Variants in LARGE1 observed in about 807,000 individuals in gnomAD.
LARGE1 encodes the protein LARGE xylosyl- and glucuronyltransferase 1, also known as xylosyl- and glucuronyltransferase LARGE1.
Under a neutral mutation model 87.6 loss-of-function variants are expected in LARGE1, and 43 were observed. The observed-to-expected ratio is 0.49, with a 90% CI of 0.38 to 0.63. The LOEUF (loss-of-function observed/expected upper bound fraction) is 0.63. Ranked by LOEUF, LARGE1 falls within the 30% of genes least tolerant of loss-of-function variation. LARGE1 has a pLI of 0.00. For missense variants in LARGE1, 802 were observed against 1,000.2 expected (o/e 0.80, Z 2.67); for synonymous variants, 434 against 394.6 (o/e 1.10, Z -1.18).
intron 1 of LARGE1, among the ~76,000 whole-genome samples, chr22:33,794,618 A>T (rs1324922101): frequency 2.0e-5 from 3 of 152,110 alleles, no homozygotes; most frequent in African/African-American, 4.8e-5. Context: ...CAAAGTGGGA[A>T]AATTTCTTTC....
At chr22:33,698,170 T>G (rs2082307186) in intron 2 of LARGE1, among the ~76,000 whole-genome samples, 1 of 152,094 alleles carries the variant, frequency 6.6e-6, no homozygotes, top group Non-Finnish European at 1.5e-5. Context: ...TCTCCAAGGT[T>G]CAAGTGATTC....
intron 3 of LARGE1, among the ~76,000 whole-genome samples, chr22:33,637,734 A>G (rs918637865): frequency 1.3e-5 from 2 of 152,200 alleles, no homozygotes; most frequent in African/African-American, 4.8e-5. Context: ...AGCCCCAATC[A>G]AACCTTCAGA....
At chr22:33,136,997 T>C in the LARGE1 span, 4 of 152,010 alleles carry the variant, frequency 2.6e-5, no homozygotes, top group African/African-American at 9.7e-5. Context: ...TCCATAGCCA[T>C]GAAATGAATG....
chr22:33,653,810 A>G (rs186654526), intron 2 of LARGE1, among the ~76,000 whole-genome samples: 4,158 of 152,196 alleles, frequency 0.027, 178 homozygotes, highest in African/African-American at 0.087. Flanking sequence ...TGGGGGAACA[A>G]GCAGTCAACA....
intron 6 of LARGE1, among the ~76,000 whole-genome samples, chr22:33,461,890 TTGAA>T (rs1376647076): frequency 1.3e-5 from 2 of 152,046 alleles, no homozygotes; most frequent in Non-Finnish European, 2.9e-5. Context: ...TGACAGCTAC[TTGAA>T]TGAGTCACCT....
chr22:33,368,236 G>GA (rs374870274), intron 9 of LARGE1, among the ~76,000 whole-genome samples: 1 of 151,644 alleles, frequency 6.6e-6, no homozygotes, highest in South Asian at 2.1e-4. Context: ...TTCAACATTT[G>GA]AAAAAAAATA....
chr22:33,193,907 TA>T, intron 11 of LARGE1, among the ~76,000 whole-genome samples: 1 of 146,922 alleles, frequency 6.8e-6, no homozygotes, highest in Non-Finnish European at 1.5e-5. Context: ...ATGTTTTATA[TA>T]TTATATATGT....
At chr22:33,349,549 C>T (rs1039623971) in intron 9 of LARGE1, among the ~76,000 whole-genome samples, 6 of 152,180 alleles carry the variant, frequency 3.9e-5, no homozygotes, top group African/African-American at 1.2e-4. Flanking sequence ...ACTTTGCATG[C>T]AAAAGGAGGC....
chr22:33,287,633 G>A (rs971467487), intron 12 of LARGE1, among the ~76,000 whole-genome samples: 2 of 152,170 alleles, frequency 1.3e-5, no homozygotes, highest in African/African-American at 4.8e-5. Context: ...ATCTTACCCT[G>A]GATGGGGCTT....
rs374238113 is a variant in LARGE1 at position 33,729,352 on chromosome 22, GTC to G, written c.106+32017_106+32018del. 2.1e-3 allele frequency among the ~76,000 whole-genome samples: 321 copies of G among 152,304 alleles called. 1 individual carries two copies. The highest frequency in any genetic ancestry group is 7.2e-3 in the African/African-American group (299 of 41,570). On this transcript the variant is annotated intron_variant, in intron 2 of 14. Transcript: ENST00000397394. ...GAGAAAAAGACATGAGTTGAATTAGGTCTCTCTCCTTTGACAGAAGGGACATT... is the reference window on the plus strand; with the variant it reads ...GAGAAAAAGACATGAGTTGAATTAGGTCTCTCCTTTGACAGAAGGGACATT...
intron 1 of LARGE1, among the ~76,000 whole-genome samples, chr22:33,784,363 C>T (rs1412045018): frequency 6.6e-6 from 1 of 152,078 alleles, no homozygotes; most frequent in African/African-American, 2.4e-5. Context: ...GCAATTTGCT[C>T]GAAGTCACAA....
At chr22:33,694,872 G>A (rs2082198131) in intron 2 of LARGE1, among the ~76,000 whole-genome samples, 1 of 152,196 alleles carries the variant, frequency 6.6e-6, no homozygotes, top group South Asian at 2.1e-4. Context: ...CATGAGCAAG[G>A]ATGAGATTAG....
intron 6 of LARGE1, among the ~76,000 whole-genome samples, chr22:33,556,441 A>G (rs543284820): frequency 1.1e-3 from 172 of 151,612 alleles, no homozygotes; most frequent in Middle Eastern, 3.4e-3. Flanking sequence ...GGGCAGGCCA[A>G]GAGCCTCAGA....
chr22:33,359,221 T>C (rs190738951), intron 9 of LARGE1, among the ~76,000 whole-genome samples: 60 of 152,250 alleles, frequency 3.9e-4, no homozygotes, highest in Admixed American at 9.8e-4. Flanking sequence ...AACTCATTGC[T>C]GTATCAGAGG....
the LARGE1 span, among the ~76,000 whole-genome samples, chr22:33,077,871 T>C: frequency 3.3e-5 from 5 of 152,190 alleles, no homozygotes; most frequent in Non-Finnish European, 7.3e-5. Flanking sequence ...ATTTCACTTA[T>C]ACACTGAGTA....
At chr22:33,433,607 C>CAAAAAAAAAAAAAAAAAAA (rs57605083) in intron 6 of LARGE1, among the ~76,000 whole-genome samples, 10 of 88,262 alleles carry the variant, frequency 1.1e-4, no homozygotes, top group East Asian at 3.9e-4. Context: ...AAAAACAAAA[C>CAAAAAAAAAAAAAAAAAAA]AAAAAAAAAA....
chr22:33,232,799 C>T (rs1568983607), intron 11 of LARGE1, among the ~76,000 whole-genome samples: 1 of 152,078 alleles, frequency 6.6e-6, no homozygotes, highest in Non-Finnish European at 1.5e-5. Context: ...GTAACGGCAG[C>T]CATTTTGCAA....
At chr22:33,402,887 T>C (rs1337608317) in intron 7 of LARGE1, among the ~76,000 whole-genome samples, 1 of 152,178 alleles carries the variant, frequency 6.6e-6, no homozygotes, top group East Asian at 1.9e-4. Context: ...GCATGCCTAT[T>C]AACTCTATTC....
intron 11 of LARGE1, among the ~76,000 whole-genome samples, chr22:33,241,572 A>G (rs12160742): frequency 6.8e-6 from 1 of 146,154 alleles, no homozygotes; most frequent in Admixed American, 6.7e-5. Context: ...ATGTGTATAT[A>G]TGTGTGTATA....
Sources: allele counts gnomAD v4.1 joint callset (sites outside exome capture counted in the v4.1 genomes callset), GRCh38; gene constraint gnomAD v4.1.1; transcripts MANE v1.5; gene names NCBI Gene and HGNC (gene_info 2026-07-23, HGNC 2026-07-21).